The following XPR1 variants were observed in gnomAD, a reference collection of about 807,000 sequenced individuals.
XPR1 encodes xenotropic and polytropic retrovirus receptor 1.
A neutral mutation model predicts 87.5 loss-of-function variants in XPR1; 28 were observed. The ratio of observed to expected loss-of-function variants is 0.32; its 90% CI spans 0.24 to 0.44. XPR1 has a LOEUF of 0.44. Ranked by LOEUF, XPR1 falls within the 20% of genes least tolerant of loss-of-function variation. The pLI is 1.00. For synonymous variants in XPR1, 300 were observed against 306.1 expected (o/e 0.98, Z 0.21); for missense variants, 559 against 862.3 (o/e 0.65, Z 4.41).
chr1:180,832,401 C>T (rs1007807782), intron 9 of XPR1, among the ~76,000 whole-genome samples: 20 of 152,212 alleles, frequency 1.3e-4, no homozygotes, highest in African/African-American at 4.6e-4. Context: ...TAATTAGATC[C>T]CATTTGTCAA....
At chr1:180,749,287 A>T (rs559595478) in intron 2 of XPR1, among the ~76,000 whole-genome samples, 8 of 152,350 alleles carry the variant, frequency 5.3e-5, no homozygotes, top group Non-Finnish European at 1.0e-4. Flanking sequence ...GTTGCTTATT[A>T]TTGTGAATAG....
chr1:180,712,521 C>T (rs1351034583), intron 2 of XPR1, among the ~76,000 whole-genome samples: 3 of 152,132 alleles, frequency 2.0e-5, no homozygotes, highest in Admixed American at 1.3e-4. Flanking sequence ...TTTGTCAAAA[C>T]GTCATGCTGG....
chr1:180,880,211 G>A lies in XPR1; in HGVS notation c.1944G>A (p.Gln648=). Residue 648 remains glutamine (Q), a synonymous_variant, in exon 14 of 15, where the codon CAG becomes CAA. Coordinates refer to ENST00000367590, the MANE Select transcript of XPR1 (RefSeq NM_004736.4). ...DQTLLEQMMD[Q]DDGVRNRQKN... is the part of the protein sequence containing the mutation. ...CTCTCCTAGAACAGATGATGGACCA[G>A]GATGATGGGGTACGAAACCGCCAGA... 6.2e-7 allele frequency: 1 copy of A among 1,614,198 alleles called. No homozygotes were observed. The highest frequency in any genetic ancestry group is 8.5e-7 in the Non-Finnish European group (1 of 1,180,036).
At chr1:180,634,258 G>A (rs12062205) in intron 1 of XPR1, among the ~76,000 whole-genome samples, 15,411 of 152,132 alleles carry the variant, frequency 0.1, 1,582 homozygotes, top group African/African-American at 0.26. Flanking sequence ...TGAAAAATTC[G>A]TTTATTGTGG....
At chr1:180,725,206 T>A (rs1039763506) in intron 2 of XPR1, among the ~76,000 whole-genome samples, 2 of 152,228 alleles carry the variant, frequency 1.3e-5, no homozygotes, top group African/African-American at 4.8e-5. Context: ...CAAGATTTAT[T>A]GTAGCATCAT....
intron 2 of XPR1, among the ~76,000 whole-genome samples, chr1:180,693,500 A>G (rs1377856309): frequency 6.6e-6 from 1 of 152,232 alleles, no homozygotes; most frequent in Non-Finnish European, 1.5e-5. Context: ...GGAAAAGTAG[A>G]TAACCTCTTG....
intron 2 of XPR1, among the ~76,000 whole-genome samples, chr1:180,722,680 T>A (rs1658214922): frequency 6.6e-6 from 1 of 152,216 alleles, no homozygotes; most frequent in Admixed American, 6.5e-5. Context: ...AACTAAATGA[T>A]CATCAAAACA....
At chr1:180,816,996 T>C (rs1027725547) in intron 7 of XPR1, among the ~76,000 whole-genome samples, 2 of 152,092 alleles carry the variant, frequency 1.3e-5, no homozygotes, top group Non-Finnish European at 1.5e-5. Flanking sequence ...TGGGAGAAGA[T>C]GTGGAGGTGG....
intron 3 of XPR1, among the ~76,000 whole-genome samples, chr1:180,792,572 T>A (rs1405416101): frequency 1.3e-5 from 2 of 152,220 alleles, no homozygotes; most frequent in African/African-American, 4.8e-5. Flanking sequence ...GTTTATTATG[T>A]ATCTTTGGTT....
At chr1:180,715,423 T>A (rs1228415973) in intron 2 of XPR1, among the ~76,000 whole-genome samples, 2 of 152,190 alleles carry the variant, frequency 1.3e-5, no homozygotes, top group Non-Finnish European at 2.9e-5. Context: ...GAGATTGCCT[T>A]ATTTTTTATC....
Position 180,873,865 on chromosome 1 carries a change from C to G in XPR1, c.1731C>G (p.Ile577Met), listed in dbSNP as rs775680476. ...VILRFAWTIQ[I>M]SITSTTLLPH... ...TGCGCTTTGCTTGGACTATCCAAAT[C>G]TCGATTACCTCTACAACTTTGTTGC... Residue 577 changes from isoleucine to methionine, a missense_variant, in exon 13 of 15, where the codon ATC (isoleucine) becomes ATG (methionine). This residue lies in a region of XPR1 where 264 missense variants were observed against 377.2 expected (regional missense o/e 0.70). Coordinates refer to ENST00000367590, the MANE Select transcript of XPR1 (RefSeq NM_004736.4). The G allele has an allele frequency of 1.2e-6, 2 of 1,614,168 alleles. No homozygotes were observed. Among genetic ancestry groups the G allele is most frequent in the Admixed American group, 1.7e-5 (1 of 60,032 alleles).
At chr1:180,825,759 A>C (rs1376615559) in intron 9 of XPR1, among the ~76,000 whole-genome samples, 1 of 152,206 alleles carries the variant, frequency 6.6e-6, no homozygotes, top group Non-Finnish European at 1.5e-5. Flanking sequence ...AATTTGAAAA[A>C]TTGACTTTGG....
chr1:180,635,055 T>C (rs1654718659), intron 1 of XPR1, among the ~76,000 whole-genome samples: 1 of 152,092 alleles, frequency 6.6e-6, no homozygotes, highest in South Asian at 2.1e-4. Context: ...TTATTAATGA[T>C]AATAACCCAT....
At chr1:180,687,998 C>T (rs919610623) in intron 2 of XPR1, among the ~76,000 whole-genome samples, 68 of 150,150 alleles carry the variant, frequency 4.5e-4, no homozygotes, top group African/African-American at 1.6e-3. Context: ...AAATATGTGA[C>T]TGAGATGTTG....
intron 2 of XPR1, among the ~76,000 whole-genome samples, chr1:180,780,586 G>A (rs1459600238): frequency 1.3e-5 from 2 of 151,952 alleles, no homozygotes; most frequent in Non-Finnish European, 2.9e-5. Flanking sequence ...GGCTAACATG[G>A]TGAAACCCCA....
intron 3 of XPR1, among the ~76,000 whole-genome samples, chr1:180,800,689 C>T (rs535868196): frequency 4.6e-5 from 7 of 152,284 alleles, no homozygotes; most frequent in African/African-American, 7.2e-5. Flanking sequence ...AAGCCAATGA[C>T]GAGTAATCTT....
At chr1:180,866,739 C>A (rs1046822906) in intron 12 of XPR1, among the ~76,000 whole-genome samples, 42 of 151,582 alleles carry the variant, frequency 2.8e-4, no homozygotes, top group Admixed American at 2.8e-3. Flanking sequence ...AATCATCAGT[C>A]AGTGAATAAT....
rs556573756 is a variant in XPR1 at position 180,711,486 on chromosome 1, C to T, written c.121+29075C>T. On this transcript the variant is annotated intron_variant, in intron 2 of 14. Transcript: ENST00000367590. ...AAAACCAGTCAGGCATCGCGGCGCG[C>T]GCCTGCAATTGCAGGCACTCGGCAG... Among the ~76,000 whole-genome samples the T allele has an allele frequency of 2.9e-4, 44 of 152,272 alleles. No homozygotes were observed. In the South Asian group the frequency reaches 4.4e-3, roughly 15 times the overall value.
At chr1:180,674,837 C>T (rs1406665707) in intron 1 of XPR1, among the ~76,000 whole-genome samples, 1 of 152,120 alleles carries the variant, frequency 6.6e-6, no homozygotes, top group Non-Finnish European at 1.5e-5. Context: ...ACATTTGACA[C>T]AGTAATATAG....
Sources: gnomAD v4.1 joint callset for allele counts (sites outside exome capture counted in the v4.1 genomes callset) on GRCh38, gnomAD v4.1.1 for gene constraint, gnomAD v4.1.1 regional missense constraint, MANE v1.5 for transcripts, NCBI Gene and HGNC (gene_info 2026-07-23, HGNC 2026-07-21) for gene names.